The following TUSC3 variants were observed in gnomAD, a reference collection of about 807,000 sequenced individuals.
The protein encoded by TUSC3 is tumor suppressor candidate 3.
TUSC3 carries 45 observed loss-of-function variants against 44.8 expected under a neutral mutation model. The ratio of observed to expected loss-of-function variants is 1.00; its 90% CI spans 0.79 to 1.29. TUSC3 has a LOEUF of 1.29. Among genes scored for constraint, TUSC3 ranks in the 50% most tolerant of loss-of-function variants. The probability of loss-of-function intolerance (pLI) is 0.00; values close to 1 mark genes in which losing one functional copy is unlikely to be tolerated. For synonymous variants in TUSC3, 212 were observed against 152.9 expected (o/e 1.39, Z -2.85); for missense variants, 519 against 437.9 (o/e 1.19, Z -1.65).
chr8:15,607,152 C>T (rs916797726), intron 1 of TUSC3, among the ~76,000 whole-genome samples: 43 of 152,094 alleles, frequency 2.8e-4, no homozygotes, highest in African/African-American at 9.6e-4. Flanking sequence ...TGGGGGAGAG[C>T]GTCTGAACCA....
chr8:15,617,305 T>A (rs1383146909), intron 1 of TUSC3, among the ~76,000 whole-genome samples: 10 of 151,602 alleles, frequency 6.6e-5, no homozygotes, highest in African/African-American at 2.2e-4. Context: ...ACGCCTGGCT[T>A]ATTTTTGTAT....
the TUSC3 span, among the ~76,000 whole-genome samples, chr8:15,835,839 A>C: frequency 7.7e-6 from 1 of 129,798 alleles, no homozygotes; most frequent in Non-Finnish European, 1.8e-5. Context: ...TATTTACTTC[A>C]TCTATCATGG....
In TUSC3 at chr8:15,476,593, G is replaced by C. The variant is rs1414871173; in HGVS notation, n.92-6793G>C. The stretch of plus-strand genomic sequence containing the variant: ...TTCTGTTACCAGGGGTGGGTGTCCA[G>C]CTTCTTGGTGTTTTGAACAAAGAAT... On this transcript the variant is annotated intron_variant and non_coding_transcript_variant, in intron 1 of 5. Coordinates refer to the TUSC3 transcript ENST00000503191. Among the ~76,000 whole-genome samples, 3 of 152,192 alleles carry C rather than the reference G, an allele frequency of 2.0e-5. No individual in the cohort carries two copies. In the East Asian group the frequency reaches 5.8e-4, roughly 29 times the overall value.
chr8:15,441,094 T>G (rs1019573932), intron 1 of TUSC3, among the ~76,000 whole-genome samples: 1 of 152,224 alleles, frequency 6.6e-6, no homozygotes, highest in African/African-American at 2.4e-5. Context: ...AATAATTAAA[T>G]TAATACTAAA....
chr8:15,530,943 G>A (rs1217144652), intron 2 of TUSC3, among the ~76,000 whole-genome samples: 1 of 152,074 alleles, frequency 6.6e-6, no homozygotes, highest in African/African-American at 2.4e-5. Context: ...ACGAACCTCG[G>A]GTGTCACCCC....
intron 1 of TUSC3, among the ~76,000 whole-genome samples, chr8:15,424,149 C>T (rs983218905): frequency 6.6e-6 from 1 of 151,830 alleles, no homozygotes; most frequent in African/African-American, 2.4e-5. Context: ...CGCCACCACT[C>T]AGCAAAGTTT....
intron 1 of TUSC3, among the ~76,000 whole-genome samples, chr8:15,602,697 T>TGC (rs1491137263): frequency 6.8e-6 from 1 of 147,880 alleles, no homozygotes; most frequent in Non-Finnish European, 1.5e-5. Context: ...TGTGTGTGTG[T>TGC]ATATATGTGT....
intron 1 of TUSC3, among the ~76,000 whole-genome samples, chr8:15,449,576 G>A (rs1203886362): frequency 1.3e-5 from 2 of 152,062 alleles, no homozygotes; most frequent in Admixed American, 1.3e-4. Context: ...TTTCTCTTTA[G>A]CCCTTAGGGG....
intron 6 of TUSC3, among the ~76,000 whole-genome samples, chr8:15,715,277 A>G (rs931719384): frequency 2.0e-5 from 3 of 152,194 alleles, no homozygotes; most frequent in East Asian, 3.8e-4. Flanking sequence ...ATGAACAGCA[A>G]TAATTAATAG....
intron 6 of TUSC3, among the ~76,000 whole-genome samples, chr8:15,694,058 C>G (rs1192512792): frequency 6.6e-6 from 1 of 152,018 alleles, no homozygotes; most frequent in Non-Finnish European, 1.5e-5. Context: ...TCCTTAGAAT[C>G]CTTGCACTGG....
chr8:15,488,606 G>C (rs981772016), intron 2 of TUSC3, among the ~76,000 whole-genome samples: 2 of 152,122 alleles, frequency 1.3e-5, no homozygotes, highest in Non-Finnish European at 2.9e-5. Flanking sequence ...TTTGGAGGTA[G>C]GTCCTTTGGG....
the TUSC3 span, among the ~76,000 whole-genome samples, chr8:15,825,180 G>GCATTTA: frequency 5.3e-5 from 8 of 152,082 alleles, no homozygotes; most frequent in Non-Finnish European, 1.0e-4. Context: ...CACCCATTCT[G>GCATTTA]CATTTATTAA....
chr8:15,777,543 ATC>A, the TUSC3 span, among the ~76,000 whole-genome samples: 1 of 152,000 alleles, frequency 6.6e-6, no homozygotes, highest in Non-Finnish European at 1.5e-5. Flanking sequence ...GAAAGACAAA[ATC>A]TCTGAATTGA....
At chr8:15,653,329 A>T (rs73195131) in intron 3 of TUSC3, among the ~76,000 whole-genome samples, 2 of 152,074 alleles carry the variant, frequency 1.3e-5, no homozygotes, top group African/African-American at 4.8e-5. Flanking sequence ...AAAAATTTTT[A>T]TATGAAATTT....
chr8:15,521,118 A>C (rs1372551750), intron 2 of TUSC3, among the ~76,000 whole-genome samples: 1 of 152,206 alleles, frequency 6.6e-6, no homozygotes, highest in African/African-American at 2.4e-5. Context: ...ACAGTGCTAG[A>C]GATCCATGCC....
chr8:15,650,765 T>C lies in TUSC3; in HGVS notation c.377T>C (p.Leu126Pro). Residue 126 changes from leucine to proline, a missense_variant, in exon 3 of 11, where the codon CTC becomes CCC. Leu to Pro is a moderately conservative substitution (Grantham distance 98, BLOSUM62 -3). Coordinates refer to ENST00000503731, the MANE Select transcript of TUSC3 (RefSeq NM_006765.4). ...TATTCATCTGCTTTTTGTAACAAGC[T>C]CTTCTTCAGTATGGTGGACTATGAT... ...WRYSSAFCNK[L>P]FFSMVDYDEG... 6.2e-7 allele frequency: 1 copy of C among 1,614,182 alleles called. No homozygotes were observed. The highest frequency in any genetic ancestry group is 8.5e-7 in the Non-Finnish European group (1 of 1,180,028).
intron 1 of TUSC3, among the ~76,000 whole-genome samples, chr8:15,563,555 G>T (rs1157003731): frequency 6.6e-6 from 1 of 151,838 alleles, no homozygotes; most frequent in Non-Finnish European, 1.5e-5. Flanking sequence ...TTGTGGTGGC[G>T]CATGCCTGTA....
chr8:15,604,266 G>A (rs1804426336), intron 1 of TUSC3, among the ~76,000 whole-genome samples: 1 of 151,656 alleles, frequency 6.6e-6, no homozygotes, highest in African/African-American at 2.4e-5. Flanking sequence ...GAGAAAAACA[G>A]TGTTTTTAGT....
Position 15,623,459 on chromosome 8 carries a change from C to T in TUSC3, c.308+210C>T, listed in dbSNP as rs779959104. Among the ~76,000 whole-genome samples the T allele has an allele frequency of 5.3e-5, 8 of 152,006 alleles. No individual in the cohort carries two copies. The South Asian group carries it at 8.3e-4, about 16-fold the overall frequency. ...GGGGGCATGTAAAATATTCATTGAC[C>T]AGTTGCACATATAATCATAAAACCG... On this transcript the variant is annotated intron_variant, in intron 2 of 10. Transcript: ENST00000503731.
Sources: gnomAD v4.1 joint callset for allele counts (sites outside exome capture counted in the v4.1 genomes callset) on GRCh38, gnomAD v4.1.1 for gene constraint, MANE v1.5 for transcripts, NCBI Gene and HGNC (gene_info 2026-07-23, HGNC 2026-07-21) for gene names.